RPS6KA2: variants seen among roughly 807,000 people sequenced by gnomAD.
RPS6KA2 encodes the protein ribosomal protein S6 kinase A2.
In RPS6KA2, 42 loss-of-function variants were observed where a neutral mutation model predicts 91.8. That is an observed-to-expected ratio of 0.46 (90% CI 0.36 to 0.59). The LOEUF is 0.59. Among genes scored for constraint, RPS6KA2 ranks in the 20% least tolerant of loss-of-function variants. RPS6KA2 has a pLI of 0.00. For missense variants in RPS6KA2, 798 were observed against 978.5 expected (o/e 0.82, Z 2.46); for synonymous variants, 414 against 393.6 (o/e 1.05, Z -0.61).
chr6:166,614,889 C>G (rs1212851983), intron 1 of RPS6KA2, among the ~76,000 whole-genome samples: 1 of 152,176 alleles, frequency 6.6e-6, no homozygotes, highest in African/African-American at 2.4e-5. Context: ...AACATCACGC[C>G]ATCTCCAGGT....
intron 1 of RPS6KA2, among the ~76,000 whole-genome samples, chr6:166,546,419 G>A (rs1190457372): frequency 1.3e-5 from 2 of 151,978 alleles, no homozygotes; most frequent in Non-Finnish European, 2.9e-5. Flanking sequence ...ATACCAGGAC[G>A]CATGCCTGGT....
At chr6:166,780,602 A>G (rs999240775) in intron 2 of RPS6KA2, among the ~76,000 whole-genome samples, 25 of 152,200 alleles carry the variant, frequency 1.6e-4, no homozygotes, top group African/African-American at 6.0e-4. Context: ...GGGCCCACCC[A>G]GAGGAGCTGG....
intron 2 of RPS6KA2, among the ~76,000 whole-genome samples, chr6:166,697,471 A>G (rs1237424593): frequency 6.6e-6 from 1 of 152,226 alleles, no homozygotes; most frequent in Non-Finnish European, 1.5e-5. Flanking sequence ...CTCCCAAGGA[A>G]TCTCCATAAA....
chr6:166,770,632 G>A lies in RPS6KA2; in HGVS notation c.123+87568C>T, dbSNP rs929831008. The stretch of plus-strand genomic sequence containing the variant: ...TTTAGCACGCAAGGCAGCCCCTGCT[G>A]TACAAGGACATTACTGCACAAAGCA... On this transcript the variant is annotated intron_variant, in intron 2 of 21. Transcript: ENST00000503859. This position sits in a 1 kb window ranked among gnomAD's most constrained non-coding sequence, Gnocchi z 5.1. Among the ~76,000 whole-genome samples the A allele has an allele frequency of 1.3e-5, 2 of 152,204 alleles. No individual in the cohort carries two copies. The highest frequency in any genetic ancestry group is 1.5e-5 in the Non-Finnish European group (1 of 68,042).
In RPS6KA2 at chr6:166,437,151, T is replaced by A. The variant is rs1779349478; in HGVS notation, c.1333-4661A>T. On this transcript the variant is annotated intron_variant, in intron 14 of 20. Transcript: ENST00000265678. The surrounding 1 kb of genome is among the most constrained non-coding windows in gnomAD (Gnocchi z 4.3). ...GGTGTGGCTACAGTCCTGGAGTACATGACCTGGATCTGCTGCGGGCAGCCG... is the reference window on the plus strand; with the variant it reads ...GGTGTGGCTACAGTCCTGGAGTACAAGACCTGGATCTGCTGCGGGCAGCCG... Among the ~76,000 whole-genome samples, 1 of 152,018 alleles carries A rather than the reference T, an allele frequency of 6.6e-6. No individual in the cohort carries two copies. Among genetic ancestry groups the A allele is most frequent in the Admixed American group, 6.5e-5 (1 of 15,274 alleles).
At position 166,516,244 on chromosome 6, in the gene RPS6KA2, T is replaced by C. The variant is rs375514691; in HGVS notation, c.299-5887A>G. Among the ~76,000 whole-genome samples the C allele has an allele frequency of 3.0e-4, 46 of 152,310 alleles. 2 individuals carry two copies. The highest frequency in any genetic ancestry group is 2.5e-3 in the East Asian group (13 of 5,178). ...CAGCCTCCAATAGCTACAGCCAGTG[T>C]GAGCACCAAAGAGTTTCAGGGAGTT... is the stretch of plus-strand genomic sequence containing the variant. On this transcript the variant is annotated intron_variant, in intron 3 of 20. Transcript: ENST00000265678.
chr6:166,484,995 G>C (rs914657522), intron 10 of RPS6KA2, among the ~76,000 whole-genome samples: 2 of 152,196 alleles, frequency 1.3e-5, no homozygotes, highest in Non-Finnish European at 2.9e-5. Context: ...CAACAGCACC[G>C]TGCCGGGGGA....
intron 14 of RPS6KA2, among the ~76,000 whole-genome samples, chr6:166,443,173 AG>A (rs765227789): frequency 2.6e-4 from 40 of 152,328 alleles, no homozygotes; most frequent in Non-Finnish European, 5.0e-4. Flanking sequence ...GCAAATCATA[AG>A]GAAGAGAAAA....
At chr6:166,518,251 CAAAAAA>C (rs11373431) in intron 3 of RPS6KA2, among the ~76,000 whole-genome samples, 2 of 87,314 alleles carry the variant, frequency 2.3e-5, no homozygotes, top group Admixed American at 1.3e-4. Context: ...AACACTGCCT[CAAAAAA>C]AAAAAAAAAA....
intron 10 of RPS6KA2, among the ~76,000 whole-genome samples, chr6:166,474,834 CGAGCCTCTCCCATCTCAGCCGG>C: frequency 6.6e-6 from 1 of 152,196 alleles, no homozygotes; most frequent in South Asian, 2.1e-4. Flanking sequence ...CCCACAACCG[CGAGCCTCTCCCATCTCAGCCGG>C]GAGCAGCGCC....
chr6:166,714,040 T>C (rs1789943633), intron 2 of RPS6KA2, among the ~76,000 whole-genome samples: 1 of 152,164 alleles, frequency 6.6e-6, no homozygotes, highest in Admixed American at 6.5e-5. Flanking sequence ...CCCAGTTGGG[T>C]TAGGCTTCCC....
rs1779759157 is a variant in RPS6KA2 at position 166,448,790 on chromosome 6, C to A, written c.1266G>T (p.Gly422=). 3 of 1,613,762 alleles carry A rather than the reference C, an allele frequency of 1.9e-6. No individual in the cohort carries two copies. The highest frequency in any genetic ancestry group is 2.5e-6 in the Non-Finnish European group (3 of 1,179,954). ...TDGYEIKEDI[G]VGSYSVCKRC... is the part of the protein sequence containing the mutation. ...GCTTGCACACTGAGTAGGAGCCCACCCCGATGTCCTCCTTGATCTCGTAGC... is the reference window on the plus strand; with the variant it reads ...GCTTGCACACTGAGTAGGAGCCCACACCGATGTCCTCCTTGATCTCGTAGC... Residue 422 remains glycine (G), a synonymous_variant, in exon 14 of 21, where the codon GGG becomes GGT. Coordinates refer to ENST00000265678, the MANE Select transcript of RPS6KA2 (RefSeq NM_021135.6). The surrounding 1 kb of genome is among the most constrained non-coding windows in gnomAD (Gnocchi z 4.7).
rs531968765 is a variant in RPS6KA2 at position 166,437,030 on chromosome 6, A to T, written c.1333-4540T>A. Among the ~76,000 whole-genome samples the T allele has an allele frequency of 1.3e-3, 195 of 147,508 alleles. 1 individual carries two copies. The highest frequency in any genetic ancestry group is 4.3e-3 in the South Asian group (20 of 4,614). ...CCCTGTAACTTTTTCTGAAAAAAAA[A>T]TTTTTTTTTTTTGCTTTTGTTTTTA... On this transcript the variant is annotated intron_variant, in intron 14 of 20. Transcript: ENST00000265678. The surrounding 1 kb of genome is among the most constrained non-coding windows in gnomAD (Gnocchi z 4.3).
At position 166,639,388 on chromosome 6, in the gene RPS6KA2, C is replaced by G. The variant is rs907803846; in HGVS notation, c.124-100604G>C. Reference sequence around the variant, plus strand: ...TCCAACCCTGCCCTCCATAACACAGCGTGGGTCCTCCTTAGCTCTTGCCAG... The same window carrying G: ...TCCAACCCTGCCCTCCATAACACAGGGTGGGTCCTCCTTAGCTCTTGCCAG... On this transcript the variant is annotated intron_variant, in intron 2 of 21. Transcript: ENST00000503859. The surrounding 1 kb of genome is among the most constrained non-coding windows in gnomAD (Gnocchi z 4.2). Among the ~76,000 whole-genome samples, 1 of 152,318 alleles carries G rather than the reference C, an allele frequency of 6.6e-6. No individual in the cohort carries two copies. The highest frequency in any genetic ancestry group is 1.5e-5 in the Non-Finnish European group (1 of 68,022).
chr6:166,576,563 C>T (rs1562590186), intron 1 of RPS6KA2, among the ~76,000 whole-genome samples: 1 of 152,122 alleles, frequency 6.6e-6, no homozygotes, highest in South Asian at 2.1e-4. Context: ...AGCATTTTGC[C>T]CCTGCCCTAG....
intron 2 of RPS6KA2, among the ~76,000 whole-genome samples, chr6:166,778,783 A>AC (rs1778691071): frequency 6.6e-6 from 1 of 152,012 alleles, no homozygotes; most frequent in African/African-American, 2.4e-5. Context: ...AACAAGATTA[A>AC]CCCATTAACT....
rs1778237053 is a variant in RPS6KA2 at position 166,763,918 on chromosome 6, G to A, written c.123+94282C>T. ...TTTTCAGATCCATGACGGCACGGCCGGCCTTGTCTATGTCCGTCACCAAAT... is the reference window on the plus strand; with the variant it reads ...TTTTCAGATCCATGACGGCACGGCCAGCCTTGTCTATGTCCGTCACCAAAT... On this transcript the variant is annotated intron_variant, in intron 2 of 21. Coordinates refer to the RPS6KA2 transcript ENST00000503859. 2.0e-5 allele frequency among the ~76,000 whole-genome samples: 3 copies of A among 152,206 alleles called. No individual in the cohort carries two copies. In the South Asian group the frequency reaches 6.2e-4, roughly 31 times the overall value.
At chr6:166,830,345 G>A (rs1233804026) in intron 2 of RPS6KA2, among the ~76,000 whole-genome samples, 1 of 152,090 alleles carries the variant, frequency 6.6e-6, no homozygotes, top group Non-Finnish European at 1.5e-5. Context: ...TGGGGAAGTG[G>A]CTGAGGGAAG....
In RPS6KA2 at chr6:166,508,943, G is replaced by T. The variant is rs1782365454; in HGVS notation, c.380-661C>A. Among the ~76,000 whole-genome samples the T allele has an allele frequency of 6.6e-6, 1 of 152,190 alleles. No homozygotes were observed. Among genetic ancestry groups the T allele is most frequent in the Non-Finnish European group, 1.5e-5 (1 of 68,042 alleles). On this transcript the variant is annotated intron_variant, in intron 4 of 20. Transcript: ENST00000265678. The surrounding 1 kb of genome is among the most constrained non-coding windows in gnomAD (Gnocchi z 4.3). ...TTGAGCGGGCGCATGAGCACGGGAG[G>T]GTCTAGAGAAGCCCGTCACCATCGC...
Sources: allele counts gnomAD v4.1 joint callset (sites outside exome capture counted in the v4.1 genomes callset), GRCh38; gene constraint gnomAD v4.1.1; non-coding constraint Gnocchi (gnomAD v3.1); transcripts MANE v1.5; gene names NCBI Gene and HGNC (gene_info 2026-07-23, HGNC 2026-07-21).